EFR3A: variants seen among roughly 807,000 people sequenced by gnomAD.
The protein encoded by EFR3A is protein EFR3 homolog A.
A neutral mutation model predicts 104.4 loss-of-function variants in EFR3A; 76 were observed. The observed-to-expected ratio is 0.73, with a 90% CI of 0.60 to 0.88. The LOEUF (loss-of-function observed/expected upper bound fraction) is 0.88, where lower values mean the gene tolerates loss of function less well. Ranked by LOEUF, EFR3A falls within the 40% of genes least tolerant of loss-of-function variation. The pLI, the probability that EFR3A is intolerant of heterozygous loss-of-function variation, is 0.00. For missense variants in EFR3A, 985 were observed against 1,012.5 expected (o/e 0.97, Z 0.37); for synonymous variants, 330 against 330.0 (o/e 1.00, Z 0.00).
intron 12 of EFR3A, among the ~76,000 whole-genome samples, chr8:131,978,523 C>A (rs11993373): frequency 0.041 from 6,259 of 152,174 alleles, 309 homozygotes; most frequent in East Asian, 0.12. Context: ...CTCTCTGTGC[C>A]TCAGTTTCTC....
intron 10 of EFR3A, among the ~76,000 whole-genome samples, chr8:131,973,662 C>T (rs1219123637): frequency 1.3e-5 from 2 of 152,034 alleles, no homozygotes; most frequent in African/African-American, 4.8e-5. Flanking sequence ...TGGCGTTATT[C>T]CTGTCGGTGG....
At chr8:131,918,294 A>G (rs895395127) in intron 1 of EFR3A, among the ~76,000 whole-genome samples, 7 of 152,180 alleles carry the variant, frequency 4.6e-5, no homozygotes, top group Non-Finnish European at 1.5e-5. Flanking sequence ...CTCAACAACA[A>G]CAACAACAAC....
chr8:131,905,478 T>A (rs1345847572), intron 1 of EFR3A, among the ~76,000 whole-genome samples: 2 of 152,304 alleles, frequency 1.3e-5, no homozygotes, highest in African/African-American at 4.8e-5. Flanking sequence ...GATTTAAAGA[T>A]TTTCCTGTGG....
chr8:131,944,272 C>T (rs889621795), intron 2 of EFR3A, among the ~76,000 whole-genome samples: 3 of 152,020 alleles, frequency 2.0e-5, no homozygotes, highest in Admixed American at 2.0e-4. Context: ...ATAGATTCTA[C>T]AGCTCTGAAT....
chr8:131,946,406 A>C, intron 3 of EFR3A, 77 bp from the exon 4 acceptor site: 1 of 1,320,482 alleles, frequency 7.6e-7, no homozygotes, highest in Non-Finnish European at 9.9e-7. Flanking sequence ...GACTTATTTC[A>C]GTTCTTCCAA....
At chr8:132,003,357 G>T in intron 22 of EFR3A, 72 bp downstream of exon 22, 5 of 1,367,622 alleles carry the variant, frequency 3.7e-6, no homozygotes, top group Non-Finnish European at 5.1e-6. Flanking sequence ...CTATGAATTT[G>T]TGGTTCATTA....
intron 1 of EFR3A, among the ~76,000 whole-genome samples, chr8:131,937,267 G>A (rs1817944215): frequency 6.6e-6 from 1 of 152,118 alleles, no homozygotes; most frequent in Non-Finnish European, 1.5e-5. Flanking sequence ...GTGTGTTTAG[G>A]TGGCTTCTAC....
intron 7 of EFR3A, 28 bp downstream of exon 7, chr8:131,955,933 T>A (rs764580727): frequency 3.1e-6 from 5 of 1,609,914 alleles, no homozygotes; most frequent in Non-Finnish European, 4.2e-6. Flanking sequence ...TCCTGGTTAT[T>A]TGTGATTTTG....
rs1381295517 is a variant in EFR3A, at chr8:131,984,271, G to A, written c.1708G>A (p.Asp570Asn). 1.2e-6 allele frequency: 2 copies of A among 1,605,054 alleles called. No individual in the cohort carries two copies. Among genetic ancestry groups the A allele is most frequent in the Non-Finnish European group, 1.7e-6 (2 of 1,176,070 alleles). ...ACTGGCTAATGAAGAAGTAGTTATT[G>A]ATCTCATTCGACTGGCCATTGCTTT... Reference protein sequence around the residue: ...IELANEEVVIDLIRLAIALQD... With the variant: ...IELANEEVVINLIRLAIALQD... Residue 570 changes from aspartate (D) to asparagine (N), a missense_variant, in exon 15 of 23, where the codon GAT (aspartate) becomes AAT (asparagine). Coordinates refer to ENST00000254624, the MANE Select transcript of EFR3A (RefSeq NM_015137.6).
intron 22 of EFR3A, among the ~76,000 whole-genome samples, chr8:132,004,541 C>T (rs1821943253): frequency 6.6e-6 from 1 of 152,198 alleles, no homozygotes; most frequent in Non-Finnish European, 1.5e-5. Context: ...CTGTCTTCCA[C>T]AAAACTGGTC....
chr8:131,991,970 T>G (rs1821209481), intron 18 of EFR3A, among the ~76,000 whole-genome samples: 1 of 152,196 alleles, frequency 6.6e-6, no homozygotes, highest in Non-Finnish European at 1.5e-5. Context: ...CTATATTTCC[T>G]TTTTGTTCTC....
At chr8:131,921,950 A>G (rs1370348318) in intron 1 of EFR3A, among the ~76,000 whole-genome samples, 1 of 152,210 alleles carries the variant, frequency 6.6e-6, no homozygotes, top group African/African-American at 2.4e-5. Context: ...AAGGTAGCAC[A>G]AACTGGGTGG....
At chr8:131,957,707 G>A (rs1363306813) in intron 7 of EFR3A, among the ~76,000 whole-genome samples, 1 of 151,936 alleles carries the variant, frequency 6.6e-6, no homozygotes, top group Admixed American at 6.6e-5. Context: ...TCTGGAAATT[G>A]TATTTTATTT....
At chr8:131,936,030 T>TAC (rs1473511151) in intron 1 of EFR3A, among the ~76,000 whole-genome samples, 1 of 152,058 alleles carries the variant, frequency 6.6e-6, no homozygotes, top group Non-Finnish European at 1.5e-5. Flanking sequence ...GCCTAATCCA[T>TAC]ACTATCAGTT....
In EFR3A at chr8:132,012,878, A is replaced by G. The variant is rs772861023; in HGVS notation, c.*1983A>G. On this transcript the variant is annotated 3_prime_UTR_variant, in exon 23 of 23. Transcript: ENST00000254624. The stretch of plus-strand genomic sequence containing the variant: ...CATGTATTGCATGTAAAGGAAAACC[A>G]TTACAATTAATGTTTATCACACCTT... 2.0e-5 allele frequency: 3 copies of G among 152,258 alleles called. No homozygotes were observed. Among genetic ancestry groups the G allele is most frequent in the Admixed American group, 6.5e-5 (1 of 15,280 alleles). The allele number at this position is 152,258 out of a possible 1,614,324, so 9.4% of individuals were successfully genotyped here.
chr8:131,961,895 G>T (rs1455667529), intron 8 of EFR3A, among the ~76,000 whole-genome samples: 2 of 152,096 alleles, frequency 1.3e-5, no homozygotes, highest in African/African-American at 4.8e-5. Context: ...AGAGAGTGGG[G>T]GCCAATATTC....
Position 131,984,864 on chromosome 8 carries a change from A to G in EFR3A, c.1738-65A>G, listed in dbSNP as rs117994747. The G allele has an allele frequency of 1.5e-3, 2,204 of 1,434,280 alleles. 2 individuals are homozygous for G. Among genetic ancestry groups the G allele is most frequent in the Middle Eastern group, 1.9e-3 (9 of 4,630 alleles). 88.8% of individuals were successfully genotyped at this position (1,434,280 alleles called of 1,614,324 possible). ...AAACTACCTGCAGTTTTCCAGTGTAATCAGAGAAAATGCTGGTGAAGTATA... is the reference window on the plus strand; with the variant it reads ...AAACTACCTGCAGTTTTCCAGTGTAGTCAGAGAAAATGCTGGTGAAGTATA... On this transcript the variant is annotated intron_variant, in intron 15 of 22. Transcript: ENST00000254624.
intron 3 of EFR3A, 86 bp downstream of exon 3, chr8:131,944,958 T>A (rs774734048): frequency 7.0e-7 from 1 of 1,429,642 alleles, no homozygotes; most frequent in Non-Finnish European, 9.5e-7. Flanking sequence ...TTTTGCCATT[T>A]AGTGAGACAA....
chr8:131,984,293 C>T lies in EFR3A; in HGVS notation c.1730C>T (p.Ala577Val). 6.3e-7 allele frequency: 1 copy of T among 1,592,582 alleles called. No homozygotes were observed. The highest frequency in any genetic ancestry group is 8.5e-7 in the Non-Finnish European group (1 of 1,171,080). The change falls in exon 15 of 23, where the codon GCT becomes GTT. Residue 577 changes from alanine to valine, a missense_variant. Coordinates refer to ENST00000254624, the MANE Select transcript of EFR3A (RefSeq NM_015137.6). ...VVIDLIRLAI[A>V]LQDSAIINED... Reference sequence around the variant, plus strand: ...ATTGATCTCATTCGACTGGCCATTGCTTTACAGGTATGCTTTCATAACCGT... The same window carrying T: ...ATTGATCTCATTCGACTGGCCATTGTTTTACAGGTATGCTTTCATAACCGT...
Sources: allele counts gnomAD v4.1 joint callset (sites outside exome capture counted in the v4.1 genomes callset), GRCh38; gene constraint gnomAD v4.1.1; transcripts MANE v1.5; gene names NCBI Gene and HGNC (gene_info 2026-07-23, HGNC 2026-07-21).